PALM2AKAP2: variants seen among roughly 807,000 people sequenced by gnomAD.
PALM2AKAP2 encodes the protein PALM2 and AKAP2 fusion.
A neutral mutation model predicts 71.5 loss-of-function variants in PALM2AKAP2; 37 were observed. The observed-to-expected ratio is 0.52, with a 90% CI of 0.40 to 0.68. PALM2AKAP2 has a LOEUF of 0.68. PALM2AKAP2 is among the 30% of genes least tolerant of loss of function. PALM2AKAP2 has a pLI of 0.00. For missense variants in PALM2AKAP2, 1,224 were observed against 1,191.8 expected (o/e 1.03, Z -0.40); for synonymous variants, 468 against 478.8 (o/e 0.98, Z 0.29).
Position 110,035,365 on chromosome 9 carries a change from ATAT to A in PALM2AKAP2, c.582+19330_582+19332del, listed in dbSNP as rs1833371819. Among the ~76,000 whole-genome samples the A allele has an allele frequency of 4.2e-5, 6 of 142,812 alleles. No homozygotes were observed. In the South Asian group the frequency reaches 9.0e-4, roughly 22 times the overall value. 93.7% of individuals were successfully genotyped at this position (142,812 alleles called of 152,430 possible). A position where few individuals can be genotyped will look rare whatever the true frequency, so the allele number is the denominator to read the frequency against. On this transcript the variant is annotated intron_variant, in intron 7 of 9. Coordinates refer to the PALM2AKAP2 transcript ENST00000302798. ...ATTATATATATTATATGTATAATAC[ATAT>A]TATATACATATATTATATGTATAAT...
chr9:110,020,597 T>C (rs1158388257), intron 7 of PALM2AKAP2, among the ~76,000 whole-genome samples: 2 of 151,778 alleles, frequency 1.3e-5, no homozygotes, highest in Non-Finnish European at 2.9e-5. Context: ...GAAAGAGAAT[T>C]GCTTAAACCC....
At chr9:109,984,952 A>C (rs539925298) in intron 6 of PALM2AKAP2, among the ~76,000 whole-genome samples, 152 of 152,278 alleles carry the variant, frequency 1.0e-3, no homozygotes, top group African/African-American at 3.6e-3. Flanking sequence ...AAGCAGGTGG[A>C]TCACCTGAGG....
chr9:109,640,895 T>G (rs1168684447), intron 1 of PALM2AKAP2: 3 of 1,511,700 alleles, frequency 2.0e-6, no homozygotes, highest in Non-Finnish European at 2.6e-6. Flanking sequence ...CGCCGCCAGC[T>G]GCTCTCCTCT....
intron 3 of PALM2AKAP2, among the ~76,000 whole-genome samples, chr9:109,895,486 C>T (rs1830178381): frequency 6.6e-6 from 1 of 152,184 alleles, no homozygotes; most frequent in Admixed American, 6.5e-5. Flanking sequence ...CTAGAAGAGG[C>T]AGCCTGGAGA....
At chr9:110,067,454 A>G (rs1232329768) in intron 1 of PALM2AKAP2, among the ~76,000 whole-genome samples, 1 of 152,184 alleles carries the variant, frequency 6.6e-6, no homozygotes, top group Non-Finnish European at 1.5e-5. Context: ...GGTATTTCCC[A>G]CGCAGGAGTT....
chr9:110,132,463 A>G (rs116133912), intron 1 of PALM2AKAP2, among the ~76,000 whole-genome samples: 2,260 of 151,558 alleles, frequency 0.015, 65 homozygotes, highest in African/African-American at 0.052. Context: ...CCAAATAGCT[A>G]GGATTACAGG....
chr9:109,805,702 C>T (rs985801655), intron 1 of PALM2AKAP2, among the ~76,000 whole-genome samples: 6 of 152,160 alleles, frequency 3.9e-5, no homozygotes, highest in Non-Finnish European at 7.3e-5. Context: ...CAAGATGCAG[C>T]GACTGAATAG....
At chr9:109,753,976 C>A (rs940802249) in intron 1 of PALM2AKAP2, among the ~76,000 whole-genome samples, 1 of 152,124 alleles carries the variant, frequency 6.6e-6, no homozygotes, top group Non-Finnish European at 1.5e-5. Context: ...ACTGTCAACA[C>A]CTTGGCATAT....
In PALM2AKAP2 at chr9:110,011,012, A is replaced by ATATATATATATAT. The variant is rs59242587; in HGVS notation, c.497-4942_497-4941insTATATATATATAT. Among the ~76,000 whole-genome samples the ATATATATATATAT allele has an allele frequency of 6.2e-3, 556 of 90,160 alleles. 3 individuals are homozygous for ATATATATATATAT. The highest frequency in any genetic ancestry group is 0.019 in the Middle Eastern group (3 of 156). The allele number at this position is 90,160 out of a possible 152,430, so 59.1% of individuals were successfully genotyped here. ...ACTCTGTCTCAAAAAAAAAAAAAAA[A>ATATATATATATAT]AAATATATATATATATATATATATA... On this transcript the variant is annotated intron_variant, in intron 6 of 9. Coordinates refer to the PALM2AKAP2 transcript ENST00000302798.
intron 6 of PALM2AKAP2, among the ~76,000 whole-genome samples, chr9:110,004,123 A>C (rs557019777): frequency 1.3e-5 from 2 of 152,302 alleles, no homozygotes; most frequent in East Asian, 1.9e-4. Flanking sequence ...TCTTTCTAGC[A>C]TCGATGGTCT....
At chr9:110,170,240 T>C (rs1836827729) in exon 4 of PALM2AKAP2, 1 of 152,640 alleles carries the variant, frequency 6.6e-6, no homozygotes, top group African/African-American at 2.4e-5. Context: ...TCTTTTTTTT[T>C]CCTTTGTTTT....
At chr9:109,836,103 G>A (rs1163708096) in intron 1 of PALM2AKAP2, among the ~76,000 whole-genome samples, 4 of 152,316 alleles carry the variant, frequency 2.6e-5, no homozygotes, top group East Asian at 1.9e-4. Context: ...CCTGATCCCC[G>A]AGTAGCCTAA....
intron 1 of PALM2AKAP2, among the ~76,000 whole-genome samples, chr9:109,809,059 G>A (rs1160265334): frequency 1.3e-5 from 2 of 152,232 alleles, no homozygotes; most frequent in East Asian, 1.9e-4. Context: ...CAGGGGTGGG[G>A]CCCTCATGGA....
intron 1 of PALM2AKAP2, among the ~76,000 whole-genome samples, chr9:109,747,171 T>G (rs1382577242): frequency 6.6e-6 from 1 of 152,208 alleles, no homozygotes; most frequent in Non-Finnish European, 1.5e-5. Flanking sequence ...TAGCCTAGCT[T>G]TGTTTTTACA....
chr9:110,082,304 C>G (rs916365545), intron 1 of PALM2AKAP2, among the ~76,000 whole-genome samples: 24 of 152,178 alleles, frequency 1.6e-4, no homozygotes, highest in African/African-American at 5.8e-4. Flanking sequence ...GATCCACCCA[C>G]CTCAGCCTCC....
At chr9:110,076,601 G>T (rs1834330901) in intron 1 of PALM2AKAP2, among the ~76,000 whole-genome samples, 1 of 150,278 alleles carries the variant, frequency 6.7e-6, no homozygotes, top group Admixed American at 6.6e-5. Context: ...CTTCATTTTT[G>T]AAACACAGGA....
chr9:109,936,794 A>T (rs1260220021), intron 6 of PALM2AKAP2, among the ~76,000 whole-genome samples: 9 of 152,216 alleles, frequency 5.9e-5, no homozygotes, highest in Admixed American at 5.2e-4. Context: ...AGGAATTCAG[A>T]TCCTATCTTT....
intron 1 of PALM2AKAP2, among the ~76,000 whole-genome samples, chr9:109,696,520 G>A (rs914407458): frequency 6.6e-6 from 1 of 152,154 alleles, no homozygotes; most frequent in East Asian, 1.9e-4. Context: ...GAGCAATTTG[G>A]CAATATCTAT....
At chr9:109,986,645 A>G (rs990368476) in intron 6 of PALM2AKAP2, among the ~76,000 whole-genome samples, 59 of 152,348 alleles carry the variant, frequency 3.9e-4, no homozygotes, top group African/African-American at 1.4e-3. Flanking sequence ...TTGGAAATTC[A>G]TTGTGTAAGA....
Sources: allele counts gnomAD v4.1 joint callset (sites outside exome capture counted in the v4.1 genomes callset), GRCh38; gene constraint gnomAD v4.1.1; transcripts MANE v1.5; gene names NCBI Gene and HGNC (gene_info 2026-07-23, HGNC 2026-07-21).